Variants in PEBP4 observed in about 807,000 individuals in gnomAD.
The protein encoded by PEBP4 is phosphatidylethanolamine binding protein 4, also known as phosphatidylethanolamine-binding protein 4.
PEBP4 carries 22 observed loss-of-function variants against 23.9 expected under a neutral mutation model. That is an observed-to-expected ratio of 0.92 (90% CI 0.66 to 1.31). The LOEUF (loss-of-function observed/expected upper bound fraction) is 1.31, where lower values mean the gene tolerates loss of function less well. Among genes scored for constraint, PEBP4 ranks in the 40% most tolerant of loss-of-function variants. The pLI is 0.00. For missense variants in PEBP4, 324 were observed against 281.7 expected (o/e 1.15, Z -1.07); for synonymous variants, 112 against 99.3 (o/e 1.13, Z -0.76).
At chr8:22,834,351 C>A (rs1807155345) in intron 3 of PEBP4, among the ~76,000 whole-genome samples, 1 of 152,208 alleles carries the variant, frequency 6.6e-6, no homozygotes, top group African/African-American at 2.4e-5. Flanking sequence ...GCCCCTGGAG[C>A]CGAAAGCCTT....
At chr8:22,734,149 A>G (rs1804801085) in intron 4 of PEBP4, among the ~76,000 whole-genome samples, 1 of 152,210 alleles carries the variant, frequency 6.6e-6, no homozygotes, top group South Asian at 2.1e-4. Context: ...TGTATTCGGC[A>G]ATTAACAAAG....
intron 3 of PEBP4, among the ~76,000 whole-genome samples, chr8:22,844,383 G>T (rs1807385201): frequency 6.6e-6 from 1 of 152,140 alleles, no homozygotes; most frequent in Non-Finnish European, 1.5e-5. Flanking sequence ...GGGATTACAG[G>T]CATGCACCAT....
At chr8:22,900,447 G>T (rs531673907) in intron 3 of PEBP4, among the ~76,000 whole-genome samples, 2 of 152,054 alleles carry the variant, frequency 1.3e-5, no homozygotes, top group African/African-American at 4.8e-5. Context: ...CCAGGGGTTC[G>T]AGACCAGCCT....
At chr8:22,856,304 C>T (rs934297640) in intron 3 of PEBP4, among the ~76,000 whole-genome samples, 6 of 152,064 alleles carry the variant, frequency 3.9e-5, no homozygotes, top group Admixed American at 3.3e-4. Flanking sequence ...CTATTTTTTA[C>T]TTGTCAAATT....
intron 3 of PEBP4, among the ~76,000 whole-genome samples, chr8:22,827,376 A>T (rs1316121399): frequency 1.3e-5 from 2 of 152,224 alleles, no homozygotes; most frequent in Admixed American, 6.5e-5. Context: ...ATTTTGTACC[A>T]TGTATGCAGT....
chr8:22,922,580 A>C (rs1659555729), intron 2 of PEBP4, among the ~76,000 whole-genome samples: 1 of 94,332 alleles, frequency 1.1e-5, no homozygotes, highest in South Asian at 3.2e-4. Flanking sequence ...AAAAAAACAA[A>C]CAAACAAAAA....
intron 3 of PEBP4, among the ~76,000 whole-genome samples, chr8:22,906,627 C>T (rs964054880): frequency 6.6e-6 from 1 of 152,236 alleles, no homozygotes; most frequent in African/African-American, 2.4e-5. Flanking sequence ...AGATGACTGT[C>T]CATCACCATC....
At chr8:22,883,173 T>G (rs879332834) in intron 3 of PEBP4, among the ~76,000 whole-genome samples, 1 of 152,126 alleles carries the variant, frequency 6.6e-6, no homozygotes, top group African/African-American at 2.4e-5. Context: ...GGGATTATGA[T>G]GCTTGCTTAA....
chr8:22,766,995 C>T (rs1171836891), intron 4 of PEBP4, among the ~76,000 whole-genome samples: 1 of 152,246 alleles, frequency 6.6e-6, no homozygotes, highest in Admixed American at 6.5e-5. Flanking sequence ...CTCCTTACTT[C>T]ACCGTGGGGG....
intron 4 of PEBP4, among the ~76,000 whole-genome samples, chr8:22,810,675 TG>T (rs1806601822): frequency 1.7e-5 from 1 of 57,402 alleles, no homozygotes; most frequent in Admixed American, 1.8e-4. Flanking sequence ...GAGGGGTGTG[TG>T]TGTGTGTGTG....
chr8:22,928,068 G>C (rs1300314694), upstream of PEBP4, among the ~76,000 whole-genome samples: 3 of 152,244 alleles, frequency 2.0e-5, no homozygotes, highest in Non-Finnish European at 2.9e-5. Context: ...GCAGCTCCTT[G>C]TCCAGTCCCT....
chr8:22,783,970 G>A (rs1805977852), intron 4 of PEBP4, among the ~76,000 whole-genome samples: 1 of 150,322 alleles, frequency 6.7e-6, no homozygotes, highest in Non-Finnish European at 1.5e-5. Context: ...CACCAGGAGG[G>A]GAAGAGATCA....
Position 22,732,614 on chromosome 8 carries a change from T to C in PEBP4, c.358-5394A>G, listed in dbSNP as rs928388136. On this transcript the variant is annotated intron_variant, in intron 4 of 6. Coordinates refer to ENST00000256404, the MANE Select transcript of PEBP4 (RefSeq NM_144962.3). ...GAAAAAGAATAGTAGTCACTCCTTT[T>C]TCCTAGAAGCTGGCCCCATTTGTGT... 2.0e-5 allele frequency among the ~76,000 whole-genome samples: 3 copies of C among 148,432 alleles called. No homozygotes were observed. In the Admixed American group the frequency reaches 2.1e-4, roughly 10 times the overall value.
chr8:22,763,487 C>T (rs1029141060), intron 4 of PEBP4, among the ~76,000 whole-genome samples: 1 of 152,188 alleles, frequency 6.6e-6, no homozygotes, highest in Non-Finnish European at 1.5e-5. Context: ...GGCCCTAGAG[C>T]GTGTAGCTTC....
At chr8:22,860,214 A>ATGTG (rs200854930) in intron 3 of PEBP4, among the ~76,000 whole-genome samples, 1 of 144,910 alleles carries the variant, frequency 6.9e-6, no homozygotes, top group African/African-American at 2.7e-5. Flanking sequence ...ATACACATAT[A>ATGTG]TGTATATATA....
At chr8:22,892,544 T>C (rs1368186852) in intron 3 of PEBP4, among the ~76,000 whole-genome samples, 8 of 152,130 alleles carry the variant, frequency 5.3e-5, no homozygotes, top group Non-Finnish European at 1.2e-4. Context: ...AAAGCTAGAG[T>C]ATGGTTTCCA....
At chr8:22,892,693 T>C (rs1348774046) in intron 3 of PEBP4, among the ~76,000 whole-genome samples, 1 of 152,182 alleles carries the variant, frequency 6.6e-6, no homozygotes, top group Non-Finnish European at 1.5e-5. Context: ...CCAGCCAAGA[T>C]AGAGTATCAG....
At chr8:22,838,912 G>C (rs1285921403) in intron 3 of PEBP4, among the ~76,000 whole-genome samples, 2 of 152,242 alleles carry the variant, frequency 1.3e-5, no homozygotes, top group African/African-American at 2.4e-5. Context: ...TGCTGTCCAG[G>C]TTAACATGTA....
At chr8:22,860,204 A>G (rs1187188007) in intron 3 of PEBP4, among the ~76,000 whole-genome samples, 2 of 141,436 alleles carry the variant, frequency 1.4e-5, no homozygotes, top group Non-Finnish European at 3.1e-5. Flanking sequence ...ATATATATAT[A>G]TACACATATA....
Sources: gnomAD v4.1 joint callset for allele counts (sites outside exome capture counted in the v4.1 genomes callset) on GRCh38, gnomAD v4.1.1 for gene constraint, MANE v1.5 for transcripts, NCBI Gene and HGNC (gene_info 2026-07-23, HGNC 2026-07-21) for gene names.